JADE3: variants seen among roughly 807,000 people sequenced by gnomAD.
The protein encoded by JADE3 is jade family PHD finger 3.
In JADE3, 2 loss-of-function variants were observed where a neutral mutation model predicts 50.1. The ratio of observed to expected loss-of-function variants is 0.04; its 90% confidence interval spans 0.02 to 0.13. The LOEUF is 0.13. Among genes scored for constraint, JADE3 ranks in the 10% least tolerant of loss-of-function variants. JADE3 has a pLI of 1.00. For missense variants in JADE3, 475 were observed against 634.4 expected, an observed-to-expected ratio of 0.75 and a Z score of 2.70; for synonymous variants, 218 against 232.9, an observed-to-expected ratio of 0.94 and a Z score of 0.58.
chrX:46,964,058 T>A (rs1245318849), intron 1 of JADE3, among the ~76,000 whole-genome samples: 1 of 112,327 alleles, frequency 8.9e-6, no homozygotes, highest in Admixed American at 9.4e-5. Context: ...TAGGAAAGTA[T>A]TAAAATTGTT....
chrX:47,003,455 A>G (rs1361725556), intron 4 of JADE3, among the ~76,000 whole-genome samples: 1 of 108,987 alleles, frequency 9.2e-6, no homozygotes, highest in African/African-American at 3.3e-5. Flanking sequence ...CAAGTTGATC[A>G]GGGATTATAT....
intron 1 of JADE3, among the ~76,000 whole-genome samples, chrX:46,928,085 CTT>C (rs1240030089): frequency 1.8e-5 from 2 of 112,035 alleles, no homozygotes; most frequent in East Asian, 5.6e-4. Context: ...AACAAAAAGT[CTT>C]GAGCACACAA....
chrX:46,970,101 A>T (rs1327969420), intron 1 of JADE3, among the ~76,000 whole-genome samples: 2 of 112,556 alleles, frequency 1.8e-5, no homozygotes, highest in Non-Finnish European at 3.8e-5. Flanking sequence ...CTTAATTGGT[A>T]ATGGGTGCAA....
chrX:46,962,838 ATTT>A (rs782434225), intron 1 of JADE3, among the ~76,000 whole-genome samples: 20 of 83,317 alleles, frequency 2.4e-4, no homozygotes, highest in Non-Finnish European at 2.2e-4. Flanking sequence ...ATATAAACTA[ATTT>A]TTTTTTTTTT....
rs1925987392 is a variant in JADE3, at chrX:46,912,650, C to G, written c.-81C>G. ...TTAGGGGGGCGGTTACCACTCCGAC[C>G]GGACTCACCCGGCACATTGCCGGGC... On this transcript the variant is annotated 5_prime_UTR_variant, in exon 1 of 11. Transcript: ENST00000614628. The G allele has an allele frequency of 9.0e-6, 1 of 110,641 alleles. No individual in the cohort carries two copies. The highest frequency in any genetic ancestry group is 3.3e-5 in the African/African-American group (1 of 30,765). 9.1% of individuals were successfully genotyped at this position (110,641 alleles called of 1,213,427 possible).
chrX:47,042,098 A>G (rs782430143), intron 8 of JADE3, among the ~76,000 whole-genome samples: 5 of 111,234 alleles, frequency 4.5e-5, no homozygotes, highest in East Asian at 2.8e-4. Flanking sequence ...AGCTCAAGCA[A>G]TCCTTCCACC....
At chrX:46,931,532 C>T (rs977451092) in intron 1 of JADE3, among the ~76,000 whole-genome samples, 33 of 110,171 alleles carry the variant, frequency 3.0e-4, no homozygotes, top group African/African-American at 1.1e-3. Flanking sequence ...AGCGATTCTC[C>T]TGCCTCAGCC....
At chrX:47,052,633 CAAAAAAAAA>C (rs1195947563) in intron 8 of JADE3, among the ~76,000 whole-genome samples, 1 of 18,926 alleles carries the variant, frequency 5.3e-5, no homozygotes, top group Non-Finnish European at 1.2e-4. Context: ...GACTCTGTCT[CAAAAAAAAA>C]AAAAAAAAAA....
chrX:47,015,681 G>A (rs1231480166), intron 4 of JADE3, among the ~76,000 whole-genome samples: 11 of 106,964 alleles, frequency 1.0e-4, no homozygotes, highest in Non-Finnish European at 1.7e-4. Flanking sequence ...ATTGGGATAC[G>A]CCATTTGTTA....
chrX:47,053,443 G>T (rs1929563121), intron 8 of JADE3, among the ~76,000 whole-genome samples: 1 of 110,360 alleles, frequency 9.1e-6, no homozygotes, highest in Non-Finnish European at 1.9e-5. Flanking sequence ...ATTTTTAGTA[G>T]AGACAGGGTT....
chrX:47,011,810 T>C (rs1928570089), intron 4 of JADE3, among the ~76,000 whole-genome samples: 1 of 112,207 alleles, frequency 8.9e-6, no homozygotes, highest in African/African-American at 3.2e-5. Flanking sequence ...TTTCTCGATG[T>C]CCTTCTTAGC....
chrX:46,985,903 A>G (rs1927851384), intron 3 of JADE3, 111 bp downstream of exon 3: 2 of 523,886 alleles, frequency 3.8e-6, no homozygotes, highest in South Asian at 3.0e-5. Flanking sequence ...CTAATGGGAG[A>G]TGTTTGGATC....
At chrX:46,957,213 T>TTAGATAGATTAGA (rs1556346669) in intron 1 of JADE3, among the ~76,000 whole-genome samples, 1 of 98,548 alleles carries the variant, frequency 1.0e-5, no homozygotes, top group African/African-American at 3.8e-5. Flanking sequence ...TTCAGATAGA[T>TTAGATAGATTAGA]TAGATAGATA....
intron 1 of JADE3, among the ~76,000 whole-genome samples, chrX:46,913,687 T>C (rs1489978515): frequency 1.8e-5 from 2 of 110,604 alleles, no homozygotes; most frequent in Non-Finnish European, 3.8e-5. Flanking sequence ...CAGGGCAGCC[T>C]GAGTTTGTTA....
At chrX:47,011,776 A>T (rs1928568987) in intron 4 of JADE3, among the ~76,000 whole-genome samples, 1 of 111,841 alleles carries the variant, frequency 8.9e-6, no homozygotes, top group Admixed American at 9.5e-5. Context: ...GCATTTGTCT[A>T]ATGGCTAATG....
chrX:46,985,769 A>G lies in JADE3; in HGVS notation c.103A>G (p.Asn35Asp). 1 of 1,194,765 alleles carries G rather than the reference A, an allele frequency of 8.4e-7. No homozygotes were observed. Among genetic ancestry groups the G allele is most frequent in the Non-Finnish European group, 1.1e-6 (1 of 880,283 alleles). Residue 35 changes from asparagine (N) to aspartate (D), a missense_variant, in exon 3 of 11, where the codon AAT (asparagine) becomes GAT (aspartate). Physicochemically the swap from Asn to Asp is conservative, Grantham distance 23. This residue lies in a region of JADE3 where 31 missense variants were observed against 29.3 expected (regional missense o/e 1.06). Transcript: ENST00000614628. ...SMYRIKSKIP[N>D]EHKKPAEVFR... ...GTATAGGATCAAGTCAAAAATTCCA[A>G]ATGAACACAAGAAACCTGCTGAGGT... is the stretch of plus-strand genomic sequence containing the variant.
At chrX:47,024,648 GCATTTAGC>G in intron 4 of JADE3, 68 bp from the exon 5 acceptor site, 1 of 595,350 alleles carries the variant, frequency 1.7e-6, no homozygotes, top group Non-Finnish European at 2.7e-6. Flanking sequence ...CTCCCAGAGG[GCATTTAGC>G]CATCCATTCA....
At chrX:46,992,571 G>A (rs782349827) in intron 3 of JADE3, among the ~76,000 whole-genome samples, 1 of 111,372 alleles carries the variant, frequency 9.0e-6, no homozygotes, top group East Asian at 2.8e-4. Context: ...TTCTCTGATG[G>A]GTTCATGAAA....
intron 1 of JADE3, among the ~76,000 whole-genome samples, chrX:46,931,629 G>A (rs1219949631): frequency 9.1e-6 from 1 of 110,407 alleles, no homozygotes; most frequent in East Asian, 2.8e-4. Context: ...TCACTATGTT[G>A]GCCAGGCTGG....
Sources: gnomAD v4.1 joint callset for allele counts (sites outside exome capture counted in the v4.1 genomes callset) on GRCh38, gnomAD v4.1.1 for gene constraint, gnomAD v4.1.1 regional missense constraint, MANE v1.5 for transcripts, NCBI Gene and HGNC (gene_info 2026-07-23, HGNC 2026-07-21) for gene names.